The following GBE1 variants were observed in gnomAD, a reference collection of about 807,000 sequenced individuals.
GBE1 encodes 1,4-alpha-glucan branching enzyme 1, also known as 1,4-alpha-glucan-branching enzyme.
GBE1 carries 70 observed loss-of-function variants against 88.8 expected under a neutral mutation model. The observed-to-expected ratio is 0.79, with a 90% confidence interval of 0.65 to 0.96. GBE1 has a LOEUF of 0.96. Among genes scored for constraint, GBE1 ranks in the 40% least tolerant of loss-of-function variants. The probability of loss-of-function intolerance (pLI) is 0.00; values close to 1 mark genes in which losing one functional copy is unlikely to be tolerated. For missense variants in GBE1, 872 were observed against 871.0 expected (o/e 1.00, Z -0.01); for synonymous variants, 284 against 300.1 (o/e 0.95, Z 0.56).
rs989200276 is a variant in GBE1, at chr3:81,750,130, G to C, written c.143+11245C>G. ...AATCAAAATGGTCAAGAGGATGGAA[G>C]ACTCCAAGGTGTAGGCAAAAAGCAA... On this transcript the variant is annotated intron_variant, in intron 1 of 15. Transcript: ENST00000429644. 1.1e-4 allele frequency among the ~76,000 whole-genome samples: 17 copies of C among 152,104 alleles called. 1 individual carries two copies. The highest frequency in any genetic ancestry group is 1.1e-3 in the Admixed American group (17 of 15,270).
At chr3:81,722,896 G>GTATATATATATA (rs553712949) in intron 1 of GBE1, among the ~76,000 whole-genome samples, 31 of 135,310 alleles carry the variant, frequency 2.3e-4, no homozygotes, top group East Asian at 1.2e-3. Flanking sequence ...GTGTGTGTGT[G>GTATATATATATA]TATATATATA....
rs1441889255 is a variant in GBE1 at position 81,743,692 on chromosome 3, T to C, written c.143+17683A>G. Reference sequence around the variant, plus strand: ...AGCAGTCACCTGATCTCAGTCATTTTATCAAGAAAGACCAGATTTACTTTG... The same window carrying C: ...AGCAGTCACCTGATCTCAGTCATTTCATCAAGAAAGACCAGATTTACTTTG... On this transcript the variant is annotated intron_variant, in intron 1 of 15. Transcript: ENST00000429644. 2.0e-5 allele frequency: 22 copies of C among 1,079,148 alleles called. No homozygotes were observed. The East Asian group carries it at 3.7e-4, about 18-fold the overall frequency. 66.8% of individuals were successfully genotyped at this position (1,079,148 alleles called of 1,614,324 possible). A position where few individuals can be genotyped will look rare whatever the true frequency, so the allele number is the denominator to read the frequency against.
chr3:81,522,280 T>G (rs1702884938), intron 14 of GBE1, among the ~76,000 whole-genome samples: 1 of 151,604 alleles, frequency 6.6e-6, no homozygotes. Flanking sequence ...AGATAACATT[T>G]TTATTTATTA....
Position 81,535,319 on chromosome 3 carries a change from C to A in GBE1, c.1810G>T (p.Val604Leu), listed in dbSNP as rs760015364. 6.2e-7 allele frequency: 1 copy of A among 1,602,514 alleles called. No individual in the cohort carries two copies. The change falls in exon 14 of 16, where the codon GTG becomes TTG. Residue 604 changes from valine to leucine, a missense_variant. Physicochemically the swap from Val to Leu is conservative, Grantham distance 32. Transcript: ENST00000429644. ...TTATTGCCTTCATGTTTTTCACTCA[C>A]GTAGGCCTGCAAGAATTAGCACACA... ...YGWLAAPQAY[V>L]SEKHEGNKII...
chr3:81,743,717 G>T, intron 1 of GBE1: 1 of 813,704 alleles, frequency 1.2e-6, no homozygotes, highest in Non-Finnish European at 1.8e-6. Context: ...GATTTACTTT[G>T]TCTGGCCCAT....
intron 1 of GBE1, 102 bp from the exon 2 acceptor site, chr3:81,705,715 G>T (rs1412281337): frequency 3.1e-6 from 2 of 654,026 alleles, no homozygotes; most frequent in Admixed American, 4.0e-5. Flanking sequence ...GGGAAAAAAA[G>T]ACATTATTAA....
At chr3:81,604,121 T>C (rs748113342) in intron 7 of GBE1, among the ~76,000 whole-genome samples, 21 of 152,124 alleles carry the variant, frequency 1.4e-4, no homozygotes, top group Non-Finnish European at 4.4e-5. Context: ...TGCAAGTAAG[T>C]CCTGTTTTCC....
In GBE1 at chr3:81,735,582, G is replaced by A. The variant is rs1312781649; in HGVS notation, c.143+25793C>T. 2.0e-5 allele frequency among the ~76,000 whole-genome samples: 3 copies of A among 152,192 alleles called. No individual in the cohort carries two copies. In the East Asian group the frequency reaches 5.8e-4, roughly 29 times the overall value. On this transcript the variant is annotated intron_variant, in intron 1 of 15. Transcript: ENST00000429644. ...TCAATTTTCCAGGCGACTTCCATAA[G>A]CCTTGACTCGAACTGATATGCCAGA...
At chr3:81,694,914 C>T (rs893255529) in intron 2 of GBE1, among the ~76,000 whole-genome samples, 3 of 152,088 alleles carry the variant, frequency 2.0e-5, no homozygotes, top group Non-Finnish European at 4.4e-5. Context: ...ATCTCATTTC[C>T]ATGCTAAATG....
At chr3:81,494,993 T>G (rs1421397233) in intron 15 of GBE1, among the ~76,000 whole-genome samples, 4 of 152,168 alleles carry the variant, frequency 2.6e-5, no homozygotes, top group African/African-American at 9.6e-5. Flanking sequence ...AAGTTTAAAA[T>G]GAAAAAATAT....
intron 1 of GBE1, among the ~76,000 whole-genome samples, chr3:81,748,335 G>C (rs751915974): frequency 6.6e-6 from 1 of 152,190 alleles, no homozygotes; most frequent in Non-Finnish European, 1.5e-5. Flanking sequence ...GTGAAGGCCG[G>C]GTGCGGTGGC....
intron 6 of GBE1, among the ~76,000 whole-genome samples, chr3:81,644,585 G>T (rs1267416033): frequency 6.6e-6 from 1 of 152,154 alleles, no homozygotes; most frequent in African/African-American, 2.4e-5. Flanking sequence ...GAGGCCTTTT[G>T]CTTTTATTCT....
intron 1 of GBE1, among the ~76,000 whole-genome samples, chr3:81,709,749 G>A (rs1463687996): frequency 5.3e-5 from 8 of 152,092 alleles, no homozygotes; most frequent in African/African-American, 1.4e-4. Context: ...TTCCCTCAAG[G>A]TCAGCCCTAC....
intron 1 of GBE1, among the ~76,000 whole-genome samples, chr3:81,741,885 T>C (rs28637864): frequency 0.12 from 18,405 of 147,738 alleles, 1,304 homozygotes; most frequent in Non-Finnish European, 0.17. Flanking sequence ...ATATATATTA[T>C]AACTAGAGCT....
At chr3:81,664,380 G>A (rs1279219698) in intron 3 of GBE1, among the ~76,000 whole-genome samples, 3 of 150,588 alleles carry the variant, frequency 2.0e-5, no homozygotes, top group African/African-American at 7.3e-5. Context: ...CTTAAAGAAT[G>A]GTAAGGAAAT....
Position 81,670,785 on chromosome 3 carries a change from C to A in GBE1, c.429+53G>T, listed in dbSNP as rs115564994. Reference sequence around the variant, plus strand: ...AATAGTTTAAATCAAACTTGGCAAACAAGATAAAAAGAAAATGATAAGTTC... The same window carrying A: ...AATAGTTTAAATCAAACTTGGCAAAAAAGATAAAAAGAAAATGATAAGTTC... On this transcript the variant is annotated intron_variant, in intron 3 of 15. Transcript: ENST00000429644. The A allele has an allele frequency of 7.5e-3, 7,259 of 970,882 alleles. 313 individuals are homozygous for A. In the African/African-American group the frequency reaches 0.096, roughly 13 times the overall value. The allele number at this position is 970,882 out of a possible 1,614,324, so 60.1% of individuals were successfully genotyped here. A position where few individuals can be genotyped will look rare whatever the true frequency, so the allele number is the denominator to read the frequency against.
intron 6 of GBE1, among the ~76,000 whole-genome samples, chr3:81,645,691 G>A (rs964408487): frequency 6.6e-6 from 1 of 152,112 alleles, no homozygotes; most frequent in Non-Finnish European, 1.5e-5. Context: ...ACTCTTAGTC[G>A]TGTTTTAGAT....
At chr3:81,682,311 A>G (rs535560210) in intron 2 of GBE1, among the ~76,000 whole-genome samples, 25 of 152,126 alleles carry the variant, frequency 1.6e-4, no homozygotes, top group African/African-American at 6.0e-4. Context: ...AAAAATAACA[A>G]ATTAGCTGGG....
chr3:81,647,416 T>C (rs1196053225), intron 5 of GBE1, among the ~76,000 whole-genome samples: 1 of 152,132 alleles, frequency 6.6e-6, no homozygotes, highest in East Asian at 1.9e-4. Flanking sequence ...GCTCTAACAG[T>C]AAATAAAGTG....
Sources: allele counts gnomAD v4.1 joint callset (sites outside exome capture counted in the v4.1 genomes callset), GRCh38; gene constraint gnomAD v4.1.1; transcripts MANE v1.5; gene names NCBI Gene and HGNC (gene_info 2026-07-23, HGNC 2026-07-21).